The following UTS2 variants were observed in gnomAD, a reference collection of about 807,000 sequenced individuals.
UTS2 encodes the protein urotensin-2.
In UTS2, 10 loss-of-function variants were observed where a neutral mutation model predicts 12.6. The ratio of observed to expected loss-of-function variants is 0.80; its 90% CI spans 0.49 to 1.35. The LOEUF is 1.35. Among genes scored for constraint, UTS2 ranks in the 40% most tolerant of loss-of-function variants. The pLI is 0.00. For missense variants in UTS2, 142 were observed against 143.2 expected (o/e 0.99, Z 0.04); for synonymous variants, 52 against 50.0 (o/e 1.04, Z -0.17).
the UTS2 span, among the ~76,000 whole-genome samples, chr1:7,887,592 C>CAAAAAA: frequency 3.2e-5 from 2 of 62,436 alleles, no homozygotes; most frequent in East Asian, 6.3e-4. Context: ...CCAGTCTCTA[C>CAAAAAA]AAAAAAAAAA....
the UTS2 span, among the ~76,000 whole-genome samples, chr1:7,895,069 C>T: frequency 1.9e-4 from 28 of 150,878 alleles, no homozygotes; most frequent in Admixed American, 7.3e-4. Flanking sequence ...CTCAATTTGT[C>T]GGTTAAAATT....
chr1:7,878,190 T>C, the UTS2 span, among the ~76,000 whole-genome samples: 109 of 152,288 alleles, frequency 7.2e-4, 1 homozygote, highest in Middle Eastern at 3.4e-3. Flanking sequence ...AAAGCTATCC[T>C]TGAAAAACAA....
At chr1:7,884,254 G>T in the UTS2 span, among the ~76,000 whole-genome samples, 7 of 151,354 alleles carry the variant, frequency 4.6e-5, no homozygotes, top group South Asian at 4.2e-4. Context: ...ATTAATTAAA[G>T]AACATGTTTT....
At chr1:7,910,015 C>T in the UTS2 span, among the ~76,000 whole-genome samples, 103,626 of 152,104 alleles carry the variant, frequency 0.68, 36,427 homozygotes, top group East Asian at 0.9. Flanking sequence ...CAGGAACTTG[C>T]CTTTTAAAAG....
At chr1:7,864,792 T>C in the UTS2 span, among the ~76,000 whole-genome samples, 1 of 152,220 alleles carries the variant, frequency 6.6e-6, no homozygotes, top group Non-Finnish European at 1.5e-5. Flanking sequence ...AATAAATCCG[T>C]GTGCTTCTTC....
chr1:7,853,548 T>A, upstream of UTS2: 1 of 1,416,796 alleles, frequency 7.1e-7, no homozygotes, highest in Non-Finnish European at 9.6e-7. Flanking sequence ...TTTAAAACAG[T>A]GAAAAGTTAA....
intron 1 of UTS2, among the ~76,000 whole-genome samples, chr1:7,852,143 GGTTT>G (rs888291319): frequency 3.3e-5 from 5 of 149,558 alleles, no homozygotes; most frequent in East Asian, 2.2e-4. Context: ...CTTAAAAGAG[GGTTT>G]GTTTGTTTTT....
the UTS2 span, among the ~76,000 whole-genome samples, chr1:7,901,220 C>G: frequency 3.3e-5 from 5 of 152,172 alleles, no homozygotes; most frequent in African/African-American, 1.2e-4. Context: ...GGATGTGAAG[C>G]AGGCTATTGG....
At chr1:7,898,560 C>T in the UTS2 span, among the ~76,000 whole-genome samples, 4 of 152,020 alleles carry the variant, frequency 2.6e-5, no homozygotes, top group African/African-American at 7.2e-5. Context: ...ACTGCAAGCT[C>T]TGCCTCCCAG....
chr1:7,908,202 G>A, the UTS2 span, among the ~76,000 whole-genome samples: 23 of 151,768 alleles, frequency 1.5e-4, no homozygotes, highest in Admixed American at 9.9e-4. Flanking sequence ...CGGAGCCTGG[G>A]GCAGTAGAAT....
chr1:7,862,870 T>C, the UTS2 span, among the ~76,000 whole-genome samples: 1 of 152,186 alleles, frequency 6.6e-6, no homozygotes, highest in Non-Finnish European at 1.5e-5. Context: ...CTGCTTGGAA[T>C]GCTCTCCCTC....
the UTS2 span, among the ~76,000 whole-genome samples, chr1:7,906,491 G>GAAAGAAAGAAAGAAAGAAAGAAAGAA: frequency 3.2e-5 from 4 of 123,322 alleles, no homozygotes; most frequent in African/African-American, 1.2e-4. Flanking sequence ...AAGAAAGAAA[G>GAAAGAAAGAAAGAAAGAAAGAAAGAA]AAAGAAAGAA....
the UTS2 span, among the ~76,000 whole-genome samples, chr1:7,868,753 A>G: frequency 2.0e-5 from 3 of 152,220 alleles, no homozygotes; most frequent in African/African-American, 7.2e-5. Flanking sequence ...TGGACTAAAT[A>G]TATCCTCCAA....
the UTS2 span, among the ~76,000 whole-genome samples, chr1:7,866,215 T>C: frequency 6.6e-6 from 1 of 152,112 alleles, no homozygotes; most frequent in Admixed American, 6.5e-5. The surrounding 1 kb of genome is among the most constrained non-coding windows in gnomAD (Gnocchi z 4.5). Flanking sequence ...TTGTCTAAGA[T>C]GACCTGGCTC....
the UTS2 span, among the ~76,000 whole-genome samples, chr1:7,865,727 G>A: frequency 3.3e-5 from 5 of 152,168 alleles, no homozygotes; most frequent in Admixed American, 2.0e-4. Flanking sequence ...GAGGCCAGGA[G>A]TTCCAGACCA....
the UTS2 span, among the ~76,000 whole-genome samples, chr1:7,911,980 GA>G: frequency 6.6e-6 from 1 of 151,896 alleles, no homozygotes; most frequent in African/African-American, 2.4e-5. Context: ...CAACAGTAGT[GA>G]AAAGAAATCT....
chr1:7,893,515 A>G, the UTS2 span, among the ~76,000 whole-genome samples: 56 of 152,118 alleles, frequency 3.7e-4, no homozygotes, highest in Non-Finnish European at 4.9e-4. Context: ...AAATAAATAA[A>G]TAAAACAAAC....
At chr1:7,897,689 C>A in the UTS2 span, among the ~76,000 whole-genome samples, 2 of 152,104 alleles carry the variant, frequency 1.3e-5, no homozygotes, top group Non-Finnish European at 2.9e-5. Context: ...CAGGTTCAAG[C>A]AATTCTCTTG....
At chr1:7,912,277 T>C in the UTS2 span, among the ~76,000 whole-genome samples, 137 of 152,290 alleles carry the variant, frequency 9.0e-4, no homozygotes, top group African/African-American at 3.0e-3. Flanking sequence ...CAGCACCTTC[T>C]TAATGTTGGG....
Sources: gnomAD v4.1 joint callset for allele counts (sites outside exome capture counted in the v4.1 genomes callset) on GRCh38, gnomAD v4.1.1 for gene constraint, Gnocchi (gnomAD v3.1) non-coding constraint, MANE v1.5 for transcripts, NCBI Gene and HGNC (gene_info 2026-07-23, HGNC 2026-07-21) for gene names.